MLLT6: variants seen among roughly 807,000 people sequenced by gnomAD.
The protein encoded by MLLT6 is protein AF-17.
Under a neutral mutation model 103.0 loss-of-function variants are expected in MLLT6, and 22 were observed. The ratio of observed to expected loss-of-function variants is 0.21; its 90% CI spans 0.15 to 0.31. MLLT6 has a LOEUF of 0.31. MLLT6 is among the 10% of genes least tolerant of loss of function. MLLT6 has a pLI of 1.00. For synonymous variants in MLLT6, 606 were observed against 623.5 expected, an observed-to-expected ratio of 0.97 and a Z score of 0.42; for missense variants, 1,199 against 1,441.7, an observed-to-expected ratio of 0.83 and a Z score of 2.73.
rs1184313178 is a variant in MLLT6 at position 38,709,169 on chromosome 17, G to C, written c.355-4G>C. The C allele has an allele frequency of 2.5e-6, 4 of 1,610,168 alleles. No individual in the cohort carries two copies. Among genetic ancestry groups the C allele is most frequent in the Non-Finnish European group, 2.5e-6 (3 of 1,178,488 alleles). On this transcript the variant is annotated splice_polypyrimidine_tract_variant and splice_region_variant and intron_variant, in intron 4 of 19. Coordinates refer to ENST00000621332, the MANE Select transcript of MLLT6 (RefSeq NM_005937.4). This position sits in a 1 kb window ranked among gnomAD's most constrained non-coding sequence, Gnocchi z 4.3. ...GGAGGGGACGATTGCGCTGTGTCCTGCAGACCTGTTACATCTGCGAGGAGC... is the reference window on the plus strand; with the variant it reads ...GGAGGGGACGATTGCGCTGTGTCCTCCAGACCTGTTACATCTGCGAGGAGC...
At position 38,719,942 on chromosome 17, in the gene MLLT6, C is replaced by CA. The variant is rs1409409297; in HGVS notation, c.2155+48dup. 3 of 1,514,470 alleles carry CA rather than the reference C, an allele frequency of 2.0e-6. No individual in the cohort carries two copies. The Admixed American group carries it at 6.4e-5, about 32-fold the overall frequency. 93.8% of individuals were successfully genotyped at this position (1,514,470 alleles called of 1,614,324 possible). On this transcript the variant is annotated intron_variant, in intron 14 of 19. Transcript: ENST00000621332. ...CGGGACGCCTGCCCTAGGGCCCTAA[C>CA]AGTCACCTTTCTCCCCGAGGTCCCC...
At position 38,715,766 on chromosome 17, in the gene MLLT6, C is replaced by T. The variant is rs1905310934; in HGVS notation, c.974C>T (p.Thr325Ile). ...AGTGGGAAAGGTGTGAGCAGTTTTA[C>T]CTCCGCCTCCTCTTCTTCCTCCTCC... Reference protein sequence around the residue: ...LSSGKGVSSFTSASSSSSSSS... With the variant: ...LSSGKGVSSFISASSSSSSSS... The change falls in exon 9 of 20, where the codon ACC (threonine) becomes ATC (isoleucine). Residue 325 changes from threonine (T) to isoleucine (I), a missense_variant. Transcript: ENST00000621332. The T allele has an allele frequency of 6.2e-7, 1 of 1,613,452 alleles. No homozygotes were observed. Among genetic ancestry groups the T allele is most frequent in the Admixed American group, 1.7e-5 (1 of 59,902 alleles).
At chr17:38,712,286 GCA>G (rs1354486253) in intron 7 of MLLT6, among the ~76,000 whole-genome samples, 1 of 152,280 alleles carries the variant, frequency 6.6e-6, no homozygotes, top group Admixed American at 6.5e-5. Flanking sequence ...TCTGCACGTT[GCA>G]CACGTCTCCG....
In MLLT6 at chr17:38,726,294, G is replaced by A. The variant is rs1906024894; in HGVS notation, c.*696G>A. 4.3e-6 allele frequency: 1 copy of A among 234,190 alleles called. No individual in the cohort carries two copies. The highest frequency in any genetic ancestry group is 8.4e-6 in the Non-Finnish European group (1 of 118,470). 14.5% of individuals were successfully genotyped at this position (234,190 alleles called of 1,614,324 possible). On this transcript the variant is annotated 3_prime_UTR_variant, in exon 20 of 20. Transcript: ENST00000621332. ...TTCCTTGGTGCCCCGCCCTTTGTTT[G>A]CACTATTGGACTTAGGAGTGCCGAG... is the stretch of plus-strand genomic sequence containing the variant.
chr17:38,705,663 T>G lies in MLLT6; in HGVS notation c.31T>G (p.Cys11Gly). ...GGAGATGGTAGGAGGCTGCTGCGTATGTTCGGACGAGAGGGGCTGGGCCGA... is the reference window on the plus strand; with the variant it reads ...GGAGATGGTAGGAGGCTGCTGCGTAGGTTCGGACGAGAGGGGCTGGGCCGA... Reference protein sequence around the residue: MKEMVGGCCVCSDERGWAENP... With the variant: MKEMVGGCCVGSDERGWAENP... The change falls in exon 1 of 20, where the codon TGT becomes GGT. Residue 11 changes from cysteine (C) to glycine (G), a missense_variant. Physicochemically the swap from Cys to Gly is radical, Grantham distance 159. Around this residue, in one of 7 missense-constraint regions of MLLT6, gnomAD observed 24 missense variants for 38.7 expected, o/e 0.62. Transcript: ENST00000621332. 1.3e-6 allele frequency: 2 copies of G among 1,567,222 alleles called. No homozygotes were observed. The highest frequency in any genetic ancestry group is 1.7e-6 in the Non-Finnish European group (2 of 1,155,212).
rs745695684 is a variant in MLLT6 at position 38,722,651 on chromosome 17, CCCCCCCA to C, written c.2793-14_2793-8del. 4 of 452,932 alleles carry C rather than the reference CCCCCCCA, an allele frequency of 8.8e-6. No individual in the cohort carries two copies. The Admixed American group carries it at 1.1e-4, about 12-fold the overall frequency. 28.1% of individuals were successfully genotyped at this position (452,932 alleles called of 1,614,324 possible). The stretch of plus-strand genomic sequence containing the variant: ...CTCCCCCATGGTCTGTGTGTTGTCC[CCCCCCCA>C]CCCCCCACCCCCACCTCAGCCTTAC... On this transcript the variant is annotated intron_variant, in intron 17 of 19. Coordinates refer to ENST00000621332, the MANE Select transcript of MLLT6 (RefSeq NM_005937.4).
intron 8 of MLLT6, among the ~76,000 whole-genome samples, chr17:38,714,930 T>C (rs1341065001): frequency 1.3e-5 from 2 of 152,178 alleles, no homozygotes; most frequent in Non-Finnish European, 2.9e-5. Context: ...CATGTGGTCA[T>C]GTGTGCACAG....
rs1345896059 is a variant in MLLT6, at chr17:38,709,591, C to G, written c.552+16C>G. On this transcript the variant is annotated intron_variant, in intron 6 of 19. Transcript: ENST00000621332. The surrounding 1 kb of genome is among the most constrained non-coding windows in gnomAD (Gnocchi z 4.3). ...CAGCAAGATGGTGAGTCCTGGCGAC[C>G]AGCGCATGAGCGGGTCAGTCAGCTG... 6 of 1,599,784 alleles carry G rather than the reference C, an allele frequency of 3.8e-6. No individual in the cohort carries two copies. Among genetic ancestry groups the G allele is most frequent in the Non-Finnish European group, 4.3e-6 (5 of 1,167,328 alleles).
rs1215205480 is a variant in MLLT6, at chr17:38,726,936, C to G, written c.*1338C>G. 3 of 233,708 alleles carry G rather than the reference C, an allele frequency of 1.3e-5. No homozygotes were observed. Among genetic ancestry groups the G allele is most frequent in the Non-Finnish European group, 2.5e-5 (3 of 118,124 alleles). The allele number at this position is 233,708 out of a possible 1,614,324, so 14.5% of individuals were successfully genotyped here. On this transcript the variant is annotated 3_prime_UTR_variant, in exon 20 of 20. Coordinates refer to ENST00000621332, the MANE Select transcript of MLLT6 (RefSeq NM_005937.4). ...CACCTTCAAAGAGTCCCCGCCTGCC[C>G]AGGCCTTTGGCACAGAGGCTGAGTG...
In MLLT6 at chr17:38,712,852, G is replaced by A. The variant is rs536351847; in HGVS notation, c.819+63G>A. 185 of 1,248,448 alleles carry A rather than the reference G, an allele frequency of 1.5e-4. 2 individuals carry two copies. Among genetic ancestry groups the A allele is most frequent in the Middle Eastern group, 3.8e-4 (2 of 5,332 alleles). The allele number at this position is 1,248,448 out of a possible 1,614,324, so 77.3% of individuals were successfully genotyped here. On this transcript the variant is annotated intron_variant, in intron 8 of 19. Transcript: ENST00000621332. ...TCTGGGGTGGCAGAGGGAGGGAGGCGGGGGCGAGAGGTTGGTGAGTCAGGG... is the reference window on the plus strand; with the variant it reads ...TCTGGGGTGGCAGAGGGAGGGAGGCAGGGGCGAGAGGTTGGTGAGTCAGGG...
rs1481925114 is a variant in MLLT6 at position 38,717,515 on chromosome 17, C to T, written c.1735C>T (p.Leu579Phe). The T allele has an allele frequency of 6.2e-7, 1 of 1,613,426 alleles. No homozygotes were observed. The highest frequency in any genetic ancestry group is 2.2e-5 in the East Asian group (1 of 44,864). The change falls in exon 11 of 20, where the codon CTC becomes TTC. Residue 579 changes from leucine (L) to phenylalanine (F), a missense_variant. Leu to Phe is a conservative substitution (Grantham distance 22). This residue lies in a region of MLLT6 where 1,034 missense variants were observed against 1,091.5 expected (regional missense o/e 0.95). Transcript: ENST00000621332. ...AVCSTPLSSSLLGPPGTSALP... is the reference protein window; with the variant it reads ...AVCSTPLSSSFLGPPGTSALP... ...CTGCAGCACCCCTCTCTCCTCCAGC[C>T]TCCTGGGGCCCCCAGGGACCTCGGC...
At chr17:38,706,917 G>C in intron 1 of MLLT6, 33 bp from the exon 2 acceptor site, 1 of 1,580,970 alleles carries the variant, frequency 6.3e-7, no homozygotes, top group African/African-American at 1.3e-5. Context: ...CTGGCTGACA[G>C]CTTTGCTCAG....
intron 4 of MLLT6, chr17:38,708,344 G>A (rs1002697157): frequency 2.5e-5 from 4 of 157,958 alleles, no homozygotes; most frequent in African/African-American, 9.6e-5. Context: ...AAGACCTGGT[G>A]GGGGCTTACT....
chr17:38,709,162 G>T lies in MLLT6; in HGVS notation c.355-11G>T, dbSNP rs1267986547. On this transcript the variant is annotated splice_polypyrimidine_tract_variant and intron_variant, in intron 4 of 19. Transcript: ENST00000621332. This position sits in a 1 kb window ranked among gnomAD's most constrained non-coding sequence, Gnocchi z 4.3. ...CCCTGGAGGAGGGGACGATTGCGCT[G>T]TGTCCTGCAGACCTGTTACATCTGC... 6.2e-7 allele frequency: 1 copy of T among 1,606,682 alleles called. No homozygotes were observed. The highest frequency in any genetic ancestry group is 8.5e-7 in the Non-Finnish European group (1 of 1,177,032).
chr17:38,711,492 A>G (rs1425399654), intron 6 of MLLT6, among the ~76,000 whole-genome samples: 1 of 152,034 alleles, frequency 6.6e-6, no homozygotes, highest in Non-Finnish European at 1.5e-5. Flanking sequence ...CCAGGGAAGG[A>G]GGTAGAAACG....
In MLLT6 at chr17:38,717,597, C is replaced by T; in HGVS notation, c.1817C>T (p.Ser606Phe). ...FTSTLPSSSA[S>F]ISTTQVFSLA... ...AGCACCCTCCCCTCCTCTTCTGCTT[C>T]TATCTCCACCACTCAGGTGAGACCT... Residue 606 changes from serine (S) to phenylalanine (F), a missense_variant, in exon 11 of 20, where the codon TCT (serine) becomes TTT (phenylalanine). Physicochemically the swap from Ser to Phe is radical, Grantham distance 155. Coordinates refer to ENST00000621332, the MANE Select transcript of MLLT6 (RefSeq NM_005937.4). The T allele has an allele frequency of 6.2e-7, 1 of 1,613,912 alleles. No individual in the cohort carries two copies. Among genetic ancestry groups the T allele is most frequent in the Non-Finnish European group, 8.5e-7 (1 of 1,179,906 alleles).
rs1018860622 is a variant in MLLT6, at chr17:38,728,477, G to A, written c.*2879G>A. The A allele has an allele frequency of 1.3e-5, 3 of 233,370 alleles. No individual in the cohort carries two copies. Among genetic ancestry groups the A allele is most frequent in the African/African-American group, 2.2e-5 (1 of 45,350 alleles). 14.5% of individuals were successfully genotyped at this position (233,370 alleles called of 1,614,324 possible). A position where few individuals can be genotyped will look rare whatever the true frequency, so the allele number is the denominator to read the frequency against. ...CGTGTGTTCCCACCCTCAGTGAGGAGGTGTGAGTGGGTGAGCATGTGGAGT... is the reference window on the plus strand; with the variant it reads ...CGTGTGTTCCCACCCTCAGTGAGGAAGTGTGAGTGGGTGAGCATGTGGAGT... On this transcript the variant is annotated 3_prime_UTR_variant, in exon 20 of 20. Transcript: ENST00000621332.
chr17:38,707,561 G>A, intron 3 of MLLT6, 21 bp downstream of exon 3: 1 of 1,613,074 alleles, frequency 6.2e-7, no homozygotes, highest in Non-Finnish European at 8.5e-7. Flanking sequence ...CTCATCTGCT[G>A]AGGTCAGCAG....
chr17:38,705,799 C>A, intron 1 of MLLT6, 58 bp downstream of exon 1: 1 of 765,334 alleles, frequency 1.3e-6, no homozygotes, highest in Non-Finnish European at 1.8e-6. Context: ...CGCGGGGCGC[C>A]CCCGGCCGCG....
Sources: allele counts gnomAD v4.1 joint callset (sites outside exome capture counted in the v4.1 genomes callset), GRCh38; gene constraint gnomAD v4.1.1; regional missense constraint gnomAD v4.1.1; non-coding constraint Gnocchi (gnomAD v3.1); transcripts MANE v1.5; gene names NCBI Gene and HGNC (gene_info 2026-07-23, HGNC 2026-07-21).